Variants in HECW2 observed in about 807,000 individuals in gnomAD.
HECW2 encodes HECT, C2 and WW domain containing E3 ubiquitin protein ligase 2.
In HECW2, 61 loss-of-function variants were observed where a neutral mutation model predicts 175.2. That is an observed-to-expected ratio of 0.35 (90% CI 0.28 to 0.43). The LOEUF is 0.43. Among genes scored for constraint, HECW2 ranks in the 20% least tolerant of loss-of-function variants. The pLI is 1.00. For synonymous variants in HECW2, 671 were observed against 731.0 expected (o/e 0.92, Z 1.32); for missense variants, 1,524 against 2,000.5 (o/e 0.76, Z 4.54).
intron 1 of HECW2, among the ~76,000 whole-genome samples, chr2:196,546,235 C>T (rs1271578105): frequency 6.6e-6 from 1 of 152,194 alleles, no homozygotes. Flanking sequence ...CTTAGTGCCA[C>T]TTCCCAGCTT....
intron 28 of HECW2, among the ~76,000 whole-genome samples, chr2:196,211,228 C>A (rs897238150): frequency 6.6e-6 from 1 of 152,212 alleles, no homozygotes; most frequent in African/African-American, 2.4e-5. Context: ...CAGAAACTCA[C>A]ACCATGGTGG....
intron 14 of HECW2, among the ~76,000 whole-genome samples, chr2:196,279,514 C>A (rs1314718760): frequency 1.3e-5 from 2 of 152,154 alleles, no homozygotes; most frequent in African/African-American, 2.4e-5. Flanking sequence ...GTGCTGGTGG[C>A]TTCTCAGCTG....
At chr2:196,583,535 G>T (rs1278408715) in intron 1 of HECW2, among the ~76,000 whole-genome samples, 2 of 152,316 alleles carry the variant, frequency 1.3e-5, no homozygotes, top group East Asian at 3.9e-4. Context: ...TCCTGATGCT[G>T]CCTGGACTGT....
At chr2:196,268,552 TC>T (rs1689604300) in intron 17 of HECW2, among the ~76,000 whole-genome samples, 1 of 152,236 alleles carries the variant, frequency 6.6e-6, no homozygotes, top group Admixed American at 6.5e-5. Flanking sequence ...TTCTGTCAAG[TC>T]ATTAAAGACT....
chr2:196,222,494 A>G (rs1687705736), intron 23 of HECW2, among the ~76,000 whole-genome samples, 154 bp from the exon 24 acceptor site: 1 of 152,242 alleles, frequency 6.6e-6, no homozygotes, highest in Non-Finnish European at 1.5e-5. Context: ...TCCAGTAATT[A>G]AACCAAACCA....
rs185194589 is a variant in HECW2, at chr2:196,226,252, T to C, written c.3918-382A>G. The stretch of plus-strand genomic sequence containing the variant: ...CACACACACACACTCTCTCTCTCTC[T>C]CCCTCCTGCTTTTGTCATATGATGT... On this transcript the variant is annotated intron_variant, in intron 22 of 28. Coordinates refer to ENST00000644978, the MANE Select transcript of HECW2 (RefSeq NM_001348768.2). 1.6e-3 allele frequency among the ~76,000 whole-genome samples: 243 copies of C among 152,026 alleles called. 2 individuals are homozygous for C. The highest frequency in any genetic ancestry group is 5.2e-3 in the African/African-American group (215 of 41,466).
chr2:196,319,721 G>C lies in HECW2; in HGVS notation c.1169C>G (p.Ser390Cys). 6.2e-7 allele frequency: 1 copy of C among 1,614,190 alleles called. No homozygotes were observed. Among genetic ancestry groups the C allele is most frequent in the Non-Finnish European group, 8.5e-7 (1 of 1,180,036 alleles). The change falls in exon 9 of 29, where the codon TCC becomes TGC. Residue 390 changes from serine (S) to cysteine (C), a missense_variant. This residue lies in a region of HECW2 where 604 missense variants were observed against 588.3 expected (regional missense o/e 1.03). Transcript: ENST00000644978. ...GTPKHSFRTS[S>C]TLEIDTEELT... ...TTCCTCTGTGTCTATTTCCAGAGTG[G>C]AGCTAGTCCTGAATGAATGCTTGGG...
rs1286028612 is a variant in HECW2, at chr2:196,397,129, CAAAACAAAAAA to C, written c.292+35992_292+36002del. 8.8e-4 allele frequency among the ~76,000 whole-genome samples: 15 copies of C among 17,118 alleles called. No homozygotes were observed. The Admixed American group carries it at 9.2e-3, about 11-fold the overall frequency. The allele number at this position is 17,118 out of a possible 152,430, so 11.2% of individuals were successfully genotyped here. On this transcript the variant is annotated intron_variant, in intron 2 of 28. Transcript: ENST00000644978. Reference sequence around the variant, plus strand: ...TCCGTCTCAACAAAACAAAACAAAACAAAACAAAAAAAAAAAAAACAAAAATAAAAAACCGT... The same window carrying C: ...TCCGTCTCAACAAAACAAAACAAAACAAAAAAAACAAAAATAAAAAACCGT...
At chr2:196,415,591 C>A (rs1185116979) in intron 2 of HECW2, among the ~76,000 whole-genome samples, 9 of 79,142 alleles carry the variant, frequency 1.1e-4, no homozygotes, top group Non-Finnish European at 1.8e-4. Flanking sequence ...TGTGCACGCG[C>A]TGAATGCGGA....
At chr2:196,552,676 T>A (rs1314995582) in intron 1 of HECW2, among the ~76,000 whole-genome samples, 23 of 152,302 alleles carry the variant, frequency 1.5e-4, no homozygotes. Context: ...GTTCCTTAAG[T>A]GTCTTACCTC....
intron 2 of HECW2, among the ~76,000 whole-genome samples, chr2:196,377,921 G>A (rs1324811359): frequency 6.6e-6 from 1 of 152,168 alleles, no homozygotes; most frequent in African/African-American, 2.4e-5. Context: ...AAATCAAGAA[G>A]TATATATTTT....
intron 10 of HECW2, among the ~76,000 whole-genome samples, chr2:196,313,235 G>A (rs1691565984): frequency 6.6e-6 from 1 of 152,146 alleles, no homozygotes; most frequent in African/African-American, 2.4e-5. Context: ...AGAGGGGCTG[G>A]GCTGGCGATT....
chr2:196,560,750 C>T (rs1382375407), intron 1 of HECW2, among the ~76,000 whole-genome samples: 6 of 152,138 alleles, frequency 3.9e-5, no homozygotes, highest in Admixed American at 6.5e-5. Flanking sequence ...GGACCGCGAA[C>T]GGAGAGACTT....
At chr2:196,427,938 G>A (rs78795806) in intron 2 of HECW2, among the ~76,000 whole-genome samples, 2 of 152,156 alleles carry the variant, frequency 1.3e-5, no homozygotes, top group African/African-American at 4.8e-5. Flanking sequence ...GCCTAAAAAT[G>A]CCTAAAGAAG....
chr2:196,552,757 C>T (rs139075865), intron 1 of HECW2, among the ~76,000 whole-genome samples: 14 of 152,336 alleles, frequency 9.2e-5, no homozygotes, highest in Non-Finnish European at 1.9e-4. Flanking sequence ...CATTTGGTTC[C>T]ATTAGATTTT....
intron 10 of HECW2, among the ~76,000 whole-genome samples, chr2:196,315,216 C>A (rs968256384): frequency 6.6e-6 from 1 of 151,000 alleles, no homozygotes; most frequent in Non-Finnish European, 1.5e-5. Context: ...TAGAGGGAGG[C>A]ATCTTCACTT....
At chr2:196,206,734 G>A (rs1473872297) in intron 28 of HECW2, among the ~76,000 whole-genome samples, 1 of 152,078 alleles carries the variant, frequency 6.6e-6, no homozygotes, top group Non-Finnish European at 1.5e-5. Context: ...CTGTGCTCTG[G>A]GGCAAGCAGG....
intron 1 of HECW2, among the ~76,000 whole-genome samples, chr2:196,562,039 G>A (rs1352506731): frequency 6.6e-6 from 1 of 152,204 alleles, no homozygotes; most frequent in Non-Finnish European, 1.5e-5. Flanking sequence ...GCTTTAGACA[G>A]CATATTTAGA....
intron 15 of HECW2, among the ~76,000 whole-genome samples, chr2:196,276,547 C>T (rs4145361): frequency 0.72 from 109,741 of 152,090 alleles, 41,313 homozygotes; most frequent in East Asian, 0.98. Flanking sequence ...TTAAAGGGCA[C>T]GGGCTATGCA....
Sources: allele counts gnomAD v4.1 joint callset (sites outside exome capture counted in the v4.1 genomes callset), GRCh38; gene constraint gnomAD v4.1.1; regional missense constraint gnomAD v4.1.1; transcripts MANE v1.5; gene names NCBI Gene and HGNC (gene_info 2026-07-23, HGNC 2026-07-21).